ADGRV1: variants seen among roughly 807,000 people sequenced by gnomAD.
The protein encoded by ADGRV1 is adhesion G protein-coupled receptor V1.
In ADGRV1, 359 loss-of-function variants were observed where a neutral mutation model predicts 596.2. The observed-to-expected ratio is 0.60, with a 90% CI of 0.55 to 0.66. ADGRV1 has a LOEUF of 0.66. Among genes scored for constraint, ADGRV1 ranks in the 30% least tolerant of loss-of-function variants. The probability of loss-of-function intolerance (pLI) is 0.00; values close to 1 mark genes in which losing one functional copy is unlikely to be tolerated. For synonymous variants in ADGRV1, 2,681 were observed against 2,679.2 expected (o/e 1.00, Z -0.02); for missense variants, 7,274 against 7,575.6 (o/e 0.96, Z 1.48).
chr5:91,116,941 G>A (rs1037126012), intron 87 of ADGRV1, among the ~76,000 whole-genome samples: 4 of 152,144 alleles, frequency 2.6e-5, no homozygotes, highest in Admixed American at 2.6e-4. Flanking sequence ...AGGAAGTTTT[G>A]TTTGCATGTT....
chr5:91,054,732 C>T (rs756647385), intron 85 of ADGRV1, among the ~76,000 whole-genome samples: 2 of 152,132 alleles, frequency 1.3e-5, no homozygotes, highest in Non-Finnish European at 2.9e-5. Context: ...AATCACTCCC[C>T]CAAAGCCCTT....
chr5:90,874,858 A>AAAAAAAC (rs1769078691), intron 83 of ADGRV1, among the ~76,000 whole-genome samples: 5 of 152,238 alleles, frequency 3.3e-5, no homozygotes, highest in Middle Eastern at 3.4e-3. Flanking sequence ...TCTGTCTCAA[A>AAAAAAAC]AAAAAACAAA....
At chr5:90,703,927 C>A in intron 35 of ADGRV1, 132 bp downstream of exon 35, 1 of 654,420 alleles carries the variant, frequency 1.5e-6, no homozygotes, top group Non-Finnish European at 2.5e-6. Flanking sequence ...CGTATGAATT[C>A]TTTGATGATG....
At chr5:91,145,953 C>G (rs1196351109) in intron 87 of ADGRV1, among the ~76,000 whole-genome samples, 1 of 152,044 alleles carries the variant, frequency 6.6e-6, no homozygotes, top group Admixed American at 6.5e-5. Context: ...TGGGTATTTT[C>G]TAATAGACTT....
chr5:91,146,668 C>A (rs557189062), intron 87 of ADGRV1, among the ~76,000 whole-genome samples: 1 of 152,220 alleles, frequency 6.6e-6, no homozygotes, highest in East Asian at 1.9e-4. Flanking sequence ...GAATGGATCA[C>A]TATTAGTACC....
At chr5:90,857,175 T>C (rs1009815337) in intron 82 of ADGRV1, among the ~76,000 whole-genome samples, 4 of 152,120 alleles carry the variant, frequency 2.6e-5, no homozygotes, top group African/African-American at 9.7e-5. Context: ...ATCTTCTAGG[T>C]CCACATAGTT....
Position 90,788,176 on chromosome 5 carries a change from G to A in ADGRV1, c.13759G>A (p.Gly4587Arg). Residue 4587 changes from glycine to arginine, a missense_variant, in exon 68 of 90, where the codon GGA (glycine) becomes AGA (arginine). By Grantham distance (125) the Gly-to-Arg change is moderately radical. Transcript: ENST00000405460. The part of the protein sequence containing the change: ...SGLFYFGEGE[G>R]GVRTIILTIY... ...GTTGTTCTATTTTGGAGAAGGAGAAGGAGGAGTGAGAACCATAATTCTGAC... is the reference window on the plus strand; with the variant it reads ...GTTGTTCTATTTTGGAGAAGGAGAAAGAGGAGTGAGAACCATAATTCTGAC... 1 of 1,613,848 alleles carries A rather than the reference G, an allele frequency of 6.2e-7. No homozygotes were observed.
chr5:91,083,791 G>A (rs1379765485), intron 86 of ADGRV1, among the ~76,000 whole-genome samples: 1 of 152,058 alleles, frequency 6.6e-6, no homozygotes, highest in Non-Finnish European at 1.5e-5. Context: ...TCTTTTGCTG[G>A]GTACAGTGGC....
At chr5:90,837,991 C>T (rs184043662) in intron 77 of ADGRV1, among the ~76,000 whole-genome samples, 1 of 151,868 alleles carries the variant, frequency 6.6e-6, no homozygotes, top group East Asian at 1.9e-4. Flanking sequence ...TTGGGTTTAC[C>T]TGTTTTGGAA....
At chr5:90,969,971 C>T (rs751743190) in intron 84 of ADGRV1, among the ~76,000 whole-genome samples, 17 of 152,226 alleles carry the variant, frequency 1.1e-4, no homozygotes, top group Non-Finnish European at 1.9e-4. Context: ...ATTCCCTTTC[C>T]TAGCCAAGGG....
At chr5:91,021,299 A>G (rs1445124530) in intron 85 of ADGRV1, among the ~76,000 whole-genome samples, 1 of 152,110 alleles carries the variant, frequency 6.6e-6, no homozygotes, top group African/African-American at 2.4e-5. Flanking sequence ...CTTACCAGCA[A>G]GTAAGATATG....
intron 58 of ADGRV1, among the ~76,000 whole-genome samples, chr5:90,760,757 T>C (rs1756430418): frequency 6.6e-6 from 1 of 152,168 alleles, no homozygotes; most frequent in Middle Eastern, 3.2e-3. Flanking sequence ...ACCCAATTAT[T>C]ATTGATTCAG....
In ADGRV1 at chr5:90,701,323, CTGTT is replaced by C. The variant is rs376951874; in HGVS notation, c.8156-2339_8156-2336del. On this transcript the variant is annotated intron_variant, in intron 34 of 89. Coordinates refer to ENST00000405460, the MANE Select transcript of ADGRV1 (RefSeq NM_032119.4). ...TTTTAAGTTTTTCATTTTCCTGTGA[CTGTT>C]TGACTTTTCATCCTGGCAGAAGGTA... 6.8e-3 allele frequency among the ~76,000 whole-genome samples: 1,033 copies of C among 152,100 alleles called. 11 individuals carry two copies. The highest frequency in any genetic ancestry group is 0.023 in the African/African-American group (953 of 41,508).
intron 17 of ADGRV1, 94 bp downstream of exon 17, chr5:90,647,858 C>A: frequency 9.3e-7 from 1 of 1,069,782 alleles, no homozygotes; most frequent in Non-Finnish European, 1.4e-6. Flanking sequence ...ACAAGTAGGG[C>A]CTAACTACAT....
chr5:90,610,549 C>G (rs1762614071), intron 1 of ADGRV1, among the ~76,000 whole-genome samples: 1 of 151,954 alleles, frequency 6.6e-6, no homozygotes, highest in Admixed American at 6.6e-5. Context: ...AAATATTAGA[C>G]TGTGAGTACA....
chr5:90,905,273 A>C (rs1269231510), intron 83 of ADGRV1, among the ~76,000 whole-genome samples: 1 of 152,062 alleles, frequency 6.6e-6, no homozygotes, highest in African/African-American at 2.4e-5. Context: ...TCTGTGAAGA[A>C]TGTCATTGGT....
At chr5:90,854,266 A>C (rs1287919067) in intron 81 of ADGRV1, 65 bp downstream of exon 81, 1 of 1,244,340 alleles carries the variant, frequency 8.0e-7, no homozygotes, top group Non-Finnish European at 1.1e-6. Context: ...CACTGAGCCT[A>C]ATGTTTTGTA....
At chr5:91,078,023 T>G (rs997144408) in intron 86 of ADGRV1, among the ~76,000 whole-genome samples, 27 of 152,082 alleles carry the variant, frequency 1.8e-4, no homozygotes, top group Non-Finnish European at 2.2e-4. Context: ...TTCAATATGA[T>G]ATATGAAAAT....
chr5:91,058,725 C>G (rs1407457512), intron 85 of ADGRV1, among the ~76,000 whole-genome samples: 2 of 152,090 alleles, frequency 1.3e-5, no homozygotes, highest in Admixed American at 1.3e-4. Context: ...CAAGTTTCAA[C>G]ACTGATTTTG....
Sources: allele counts gnomAD v4.1 joint callset (sites outside exome capture counted in the v4.1 genomes callset), GRCh38; gene constraint gnomAD v4.1.1; transcripts MANE v1.5; gene names NCBI Gene and HGNC (gene_info 2026-07-23, HGNC 2026-07-21).